The following IGF2R variants were observed in gnomAD, a reference collection of about 807,000 sequenced individuals.
The protein encoded by IGF2R is insulin like growth factor 2 receptor.
In IGF2R, 91 loss-of-function variants were observed where a neutral mutation model predicts 270.6. That is an observed-to-expected ratio of 0.34 (90% CI 0.28 to 0.40). IGF2R has a LOEUF of 0.40. Ranked by LOEUF, IGF2R falls within the 10% of genes least tolerant of loss-of-function variation. The pLI is 1.00. For missense variants in IGF2R, 2,805 were observed against 3,188.3 expected, an observed-to-expected ratio of 0.88 and a Z score of 2.90; for synonymous variants, 1,316 against 1,258.9, an observed-to-expected ratio of 1.05 and a Z score of -0.96.
In IGF2R at chr6:160,073,220, CT is replaced by C. The variant is rs1778782657; in HGVS notation, c.4701del (p.Phe1567LeufsTer15). 1.2e-6 allele frequency: 2 copies of C among 1,614,088 alleles called. No individual in the cohort carries two copies. On this transcript the variant is annotated frameshift_variant, in exon 34 of 48. Transcript: ENST00000356956. LOFTEE classifies it high-confidence loss of function. ...ENCPPGVGAC[F>X]GQTRISVGKA... is the part of the protein sequence containing the mutation. ...CTTTCCCTTGTGGTGCAGGGGCCTG[CT>C]TTGGACAGACCAGGATTAGCGTGGG...
Position 160,060,644 on chromosome 6 carries a change from G to C in IGF2R, c.3189G>C (p.Gly1063=). Residue 1063 remains glycine, a synonymous_variant, in exon 23 of 48, where the codon GGG becomes GGC. Transcript: ENST00000356956. ...ATCAAGATATCGACTCTGGGCAAGG[G>C]ATCCGAAACACTTACTTTGAGTTTG... ...FLHQDIDSGQ[G]IRNTYFEFET... 6.2e-7 allele frequency: 1 copy of C among 1,614,266 alleles called. No homozygotes were observed. The highest frequency in any genetic ancestry group is 8.5e-7 in the Non-Finnish European group (1 of 1,180,052).
At chr6:160,045,641 T>C in intron 13 of IGF2R, 104 bp from the exon 14 acceptor site, 2 of 1,421,934 alleles carry the variant, frequency 1.4e-6, no homozygotes, top group South Asian at 2.3e-5. Flanking sequence ...TTATACCTCA[T>C]TTCCCACTGT....
intron 16 of IGF2R, 106 bp from the exon 17 acceptor site, chr6:160,047,686 C>T: frequency 1.3e-6 from 1 of 769,976 alleles, no homozygotes; most frequent in East Asian, 2.5e-5. Context: ...AGCTTTTCTT[C>T]ACAGTTTCTC....
chr6:159,986,437 T>G (rs4989597), intron 1 of IGF2R, among the ~76,000 whole-genome samples: 19,770 of 144,012 alleles, frequency 0.14, 1,766 homozygotes, highest in East Asian at 0.43. Flanking sequence ...TGTGTTTTTT[T>G]TTTTTTTTTA....
chr6:160,016,940 C>T (rs970546934), intron 4 of IGF2R, among the ~76,000 whole-genome samples: 3 of 152,146 alleles, frequency 2.0e-5, no homozygotes, highest in African/African-American at 7.2e-5. Context: ...AGCAGGGTAA[C>T]AATTCTGGAA....
At chr6:159,982,077 T>A (rs1783814464) in intron 1 of IGF2R, among the ~76,000 whole-genome samples, 1 of 152,214 alleles carries the variant, frequency 6.6e-6, no homozygotes, top group Non-Finnish European at 1.5e-5. Context: ...TCCCCAGCCT[T>A]CAGCTCGGGG....
At chr6:160,075,787 C>T in intron 35 of IGF2R, 60 bp from the exon 36 acceptor site, 1 of 1,556,320 alleles carries the variant, frequency 6.4e-7, no homozygotes, top group Non-Finnish European at 8.8e-7. Context: ...ATTCTTAATT[C>T]CACTAACCTT....
intron 14 of IGF2R, 139 bp downstream of exon 14, chr6:160,046,021 C>T (rs563159058): frequency 4.5e-5 from 30 of 669,388 alleles, no homozygotes; most frequent in Admixed American, 3.9e-4. Flanking sequence ...TCTGAACATC[C>T]GATGTTTGAG....
chr6:159,981,283 G>A (rs113690860), intron 1 of IGF2R, among the ~76,000 whole-genome samples: 5,344 of 152,130 alleles, frequency 0.035, 220 homozygotes, highest in East Asian at 0.098. Context: ...GTGCACGAGT[G>A]TGTGAGTGCA....
Position 160,050,582 on chromosome 6 carries a change from G to A in IGF2R, c.2624G>A (p.Cys875Tyr). Residue 875 changes from cysteine (C) to tyrosine (Y), a missense_variant, in exon 19 of 48, where the codon TGC becomes TAC. Cys to Tyr is a radical substitution (Grantham distance 194). This residue lies in a region of IGF2R where 1,851 missense variants were observed against 2,207.2 expected (regional missense o/e 0.84). Transcript: ENST00000356956. This position sits in a 1 kb window ranked among gnomAD's most constrained non-coding sequence, Gnocchi z 4.0. ...CTGGAATACGTGAATGGGTCGGCCT[G>A]CACCACCAGCGATGGCAGACAGACC... ...LLLEYVNGSA[C>Y]TTSDGRQTTY... 1 of 1,614,074 alleles carries A rather than the reference G, an allele frequency of 6.2e-7. No homozygotes were observed. Among genetic ancestry groups the A allele is most frequent in the Non-Finnish European group, 8.5e-7 (1 of 1,179,946 alleles).
At position 160,105,743 on chromosome 6, in the gene IGF2R, G is replaced by A. The variant is rs757413168; in HGVS notation, c.*659G>A. 10 of 152,680 alleles carry A rather than the reference G, an allele frequency of 6.5e-5. No homozygotes were observed. The highest frequency in any genetic ancestry group is 1.5e-4 in the Non-Finnish European group (10 of 68,070). 9.5% of individuals were successfully genotyped at this position (152,680 alleles called of 1,614,324 possible). Reference sequence around the variant, plus strand: ...ACACACATACGTGCACAGGGTCCCCGAGTGCCTAGGTTTTGGAGAGTTTGC... The same window carrying A: ...ACACACATACGTGCACAGGGTCCCCAAGTGCCTAGGTTTTGGAGAGTTTGC... On this transcript the variant is annotated 3_prime_UTR_variant, in exon 48 of 48. Transcript: ENST00000356956.
In IGF2R at chr6:160,010,749, A is replaced by G. The variant is rs1309624735; in HGVS notation, c.477A>G (p.Ala159=). 1 of 1,612,264 alleles carries G rather than the reference A, an allele frequency of 6.2e-7. No homozygotes were observed. The highest frequency in any genetic ancestry group is 1.7e-5 in the Admixed American group (1 of 60,022). ...CVHYFEWRTT[A]ACKKDIFKAN... ...ACTACTTTGAGTGGAGGACCACTGC[A>G]GCCTGCAAGAAAGACATATTTAAAG... Residue 159 remains alanine, a synonymous_variant, in exon 4 of 48, where the codon GCA becomes GCG. Coordinates refer to ENST00000356956, the MANE Select transcript of IGF2R (RefSeq NM_000876.4).
intron 29 of IGF2R, among the ~76,000 whole-genome samples, 169 bp from the exon 30 acceptor site, chr6:160,068,080 G>A (rs1441832700): frequency 6.6e-6 from 1 of 151,166 alleles, no homozygotes; most frequent in Admixed American, 6.6e-5. Context: ...GTGTGTGTGT[G>A]TGTGTGTGTG....
At chr6:160,030,327 A>G (rs1004686122) in intron 7 of IGF2R, among the ~76,000 whole-genome samples, 14 of 152,156 alleles carry the variant, frequency 9.2e-5, no homozygotes, top group Admixed American at 7.9e-4. Flanking sequence ...CTGCCTTCTT[A>G]GTAATAGGGT....
chr6:160,060,109 T>C (rs2115260958), intron 22 of IGF2R, among the ~76,000 whole-genome samples: 1 of 152,132 alleles, frequency 6.6e-6, no homozygotes, highest in South Asian at 2.1e-4. Context: ...AAACCTGTCA[T>C]AACACAGGCC....
chr6:160,109,843 G>A lies in IGF2R; in HGVS notation c.*4759G>A, dbSNP rs1321743000. The A allele has an allele frequency of 6.6e-6, 1 of 152,206 alleles. No individual in the cohort carries two copies. Among genetic ancestry groups the A allele is most frequent in the Non-Finnish European group, 1.5e-5 (1 of 68,038 alleles). 9.4% of individuals were successfully genotyped at this position (152,206 alleles called of 1,614,324 possible). A position where few individuals can be genotyped will look rare whatever the true frequency, so the allele number is the denominator to read the frequency against. On this transcript the variant is annotated 3_prime_UTR_variant, in exon 48 of 48. Coordinates refer to ENST00000356956, the MANE Select transcript of IGF2R (RefSeq NM_000876.4). ...GGACTCAGCTCTTCAGGAACAATTA[G>A]GGAGAGGGCCCTTGGGTCTAACTGC...
chr6:160,066,909 A>G (rs1270720890), intron 29 of IGF2R, among the ~76,000 whole-genome samples: 1 of 151,290 alleles, frequency 6.6e-6, no homozygotes, highest in African/African-American at 2.4e-5. Flanking sequence ...TGGTTTGGGC[A>G]CTCCTCCTCT....
chr6:160,091,666 A>G (rs1779230145), intron 44 of IGF2R, among the ~76,000 whole-genome samples: 1 of 152,234 alleles, frequency 6.6e-6, no homozygotes, highest in Admixed American at 6.5e-5. Flanking sequence ...TGCCTTCCTC[A>G]CACTTCGGTG....
rs965003356 is a variant in IGF2R at position 160,052,123 on chromosome 6, G to A, written c.2694+1471G>A. Reference sequence around the variant, plus strand: ...AGGCTGAGGTGGGAGGATCACTTGAGCCCAGGAGGCAGAGATTGCAGTGAG... The same window carrying A: ...AGGCTGAGGTGGGAGGATCACTTGAACCCAGGAGGCAGAGATTGCAGTGAG... On this transcript the variant is annotated intron_variant, in intron 19 of 47. Coordinates refer to ENST00000356956, the MANE Select transcript of IGF2R (RefSeq NM_000876.4). Among the ~76,000 whole-genome samples, 53 of 152,152 alleles carry A rather than the reference G, an allele frequency of 3.5e-4. 2 individuals carry two copies. The highest frequency in any genetic ancestry group is 6.5e-5 in the Admixed American group (1 of 15,272).
Sources: gnomAD v4.1 joint callset for allele counts (sites outside exome capture counted in the v4.1 genomes callset) on GRCh38, gnomAD v4.1.1 for gene constraint, gnomAD v4.1.1 regional missense constraint, Gnocchi (gnomAD v3.1) non-coding constraint, MANE v1.5 for transcripts, NCBI Gene and HGNC (gene_info 2026-07-23, HGNC 2026-07-21) for gene names.